The following PRKG1 variants were observed in gnomAD, a reference collection of about 807,000 sequenced individuals.
PRKG1 encodes the protein cGMP-dependent protein kinase 1.
In PRKG1, 35 loss-of-function variants were observed where a neutral mutation model predicts 88.1. That is an observed-to-expected ratio of 0.40 (90% CI 0.30 to 0.53). The LOEUF is 0.53. Among genes scored for constraint, PRKG1 ranks in the 20% least tolerant of loss-of-function variants. The pLI is 0.59. For missense variants in PRKG1, 540 were observed against 839.8 expected, an observed-to-expected ratio of 0.64 and a Z score of 4.41; for synonymous variants, 303 against 292.5, an observed-to-expected ratio of 1.04 and a Z score of -0.37.
chr10:51,084,099 C>A (rs965143669), intron 1 of PRKG1, among the ~76,000 whole-genome samples: 1 of 152,116 alleles, frequency 6.6e-6, no homozygotes, highest in African/African-American at 2.4e-5. Context: ...TATGTTAAAA[C>A]AGAATAGATG....
At chr10:52,138,723 A>G (rs139609076) in intron 8 of PRKG1, among the ~76,000 whole-genome samples, 35 of 152,234 alleles carry the variant, frequency 2.3e-4, no homozygotes, top group African/African-American at 8.2e-4. Context: ...CATAAAAATT[A>G]TGAAATTAGG....
intron 2 of PRKG1, among the ~76,000 whole-genome samples, chr10:51,415,610 T>C (rs539030201): frequency 9.8e-5 from 15 of 152,312 alleles, no homozygotes; most frequent in Non-Finnish European, 1.9e-4. Context: ...AAAAGGATTA[T>C]TGATCACAAT....
intron 2 of PRKG1, among the ~76,000 whole-genome samples, chr10:51,392,773 A>C (rs1588908990): frequency 1.7e-5 from 2 of 118,618 alleles, no homozygotes; most frequent in East Asian, 2.4e-4. Flanking sequence ...GACCACCCCC[A>C]CCTCCCTCCC....
intron 8 of PRKG1, among the ~76,000 whole-genome samples, chr10:52,148,722 G>A (rs1296908559): frequency 1.3e-5 from 2 of 152,104 alleles, no homozygotes; most frequent in Non-Finnish European, 2.9e-5. Context: ...GGAAGAAGGC[G>A]AGCAGGACCC....
At chr10:51,536,102 G>C (rs1198659854) in intron 3 of PRKG1, among the ~76,000 whole-genome samples, 1 of 152,042 alleles carries the variant, frequency 6.6e-6, no homozygotes, top group Non-Finnish European at 1.5e-5. Flanking sequence ...GGTCATAGGG[G>C]GTATGATACT....
chr10:51,735,029 A>G (rs1218167442), intron 3 of PRKG1, among the ~76,000 whole-genome samples: 1 of 152,196 alleles, frequency 6.6e-6, no homozygotes, highest in Non-Finnish European at 1.5e-5. Flanking sequence ...CTGAAGAAGC[A>G]GAGTGAGATA....
At chr10:52,245,239 T>A (rs1222207259) in intron 9 of PRKG1, among the ~76,000 whole-genome samples, 1 of 152,018 alleles carries the variant, frequency 6.6e-6, no homozygotes, top group Admixed American at 6.6e-5. Context: ...CTGTAGATAA[T>A]TATTTACAGA....
Position 51,039,884 on chromosome 10 carries a change from T to C in PRKG1, c.266+48240T>C, listed in dbSNP as rs115798634. Among the ~76,000 whole-genome samples the C allele has an allele frequency of 1.3e-3, 203 of 152,288 alleles. 1 individual carries two copies. Among genetic ancestry groups the C allele is most frequent in the African/African-American group, 4.7e-3 (194 of 41,568 alleles). On this transcript the variant is annotated intron_variant, in intron 1 of 17. Coordinates refer to the PRKG1 transcript ENST00000401604. ...GCATGTGTCGGAAGCGAATTCACTG[T>C]AGATGTATGGATTTGTTTCTTGATT...
intron 2 of PRKG1, among the ~76,000 whole-genome samples, chr10:51,179,718 G>T (rs74133503): frequency 6.6e-6 from 1 of 152,020 alleles, no homozygotes; most frequent in Non-Finnish European, 1.5e-5. Flanking sequence ...TTACCAAAAG[G>T]TGTTCTAGGT....
chr10:51,514,783 A>T (rs1253394114), intron 3 of PRKG1, among the ~76,000 whole-genome samples: 1 of 152,230 alleles, frequency 6.6e-6, no homozygotes, highest in African/African-American at 2.4e-5. Flanking sequence ...GAGTGTTTCC[A>T]GGTTTTCAGT....
At chr10:52,001,430 A>G (rs1237423613) in intron 5 of PRKG1, among the ~76,000 whole-genome samples, 1 of 151,952 alleles carries the variant, frequency 6.6e-6, no homozygotes, top group Non-Finnish European at 1.5e-5. Context: ...ATCATTTTAC[A>G]ATGTATATAC....
chr10:51,010,296 T>G (rs1385599812), intron 1 of PRKG1, among the ~76,000 whole-genome samples: 1 of 152,282 alleles, frequency 6.6e-6, no homozygotes, highest in Admixed American at 6.5e-5. Flanking sequence ...CACTCAGATT[T>G]GCACAGGGCA....
chr10:51,345,835 A>C (rs1445023952), intron 2 of PRKG1, among the ~76,000 whole-genome samples: 1 of 152,198 alleles, frequency 6.6e-6, no homozygotes, highest in Non-Finnish European at 1.5e-5. Flanking sequence ...CGGTGTGACA[A>C]AGGCCATGCT....
At chr10:51,627,986 TTCTTTC>T (rs1191219219) in intron 3 of PRKG1, among the ~76,000 whole-genome samples, 73 of 36,090 alleles carry the variant, frequency 2.0e-3, no homozygotes, top group African/African-American at 6.0e-3. Flanking sequence ...CTTTCTTTCT[TTCTTTC>T]TCTCTCTCTC....
At chr10:51,494,680 G>T (rs760532862) in intron 3 of PRKG1, among the ~76,000 whole-genome samples, 3 of 152,196 alleles carry the variant, frequency 2.0e-5, no homozygotes, top group Non-Finnish European at 2.9e-5. Flanking sequence ...GCATGATTTA[G>T]TTCTAGTCTA....
intron 3 of PRKG1, among the ~76,000 whole-genome samples, chr10:51,661,736 C>A (rs983494456): frequency 6.6e-6 from 1 of 152,134 alleles, no homozygotes; most frequent in African/African-American, 2.4e-5. Flanking sequence ...TGGGTATATA[C>A]CCAAAGGATT....
intron 1 of PRKG1, among the ~76,000 whole-genome samples, chr10:50,997,890 C>T (rs1564566160): frequency 6.6e-6 from 1 of 152,082 alleles, no homozygotes; most frequent in Non-Finnish European, 1.5e-5. Flanking sequence ...TATATATGAA[C>T]ACATACACAC....
At chr10:51,147,808 G>T (rs183645937) in intron 1 of PRKG1, among the ~76,000 whole-genome samples, 1 of 152,262 alleles carries the variant, frequency 6.6e-6, no homozygotes, top group East Asian at 1.9e-4. Flanking sequence ...TCATAAGATT[G>T]GGATAGCTAT....
At chr10:51,940,502 A>G (rs1417312743) in intron 5 of PRKG1, among the ~76,000 whole-genome samples, 1 of 151,898 alleles carries the variant, frequency 6.6e-6, no homozygotes, top group Non-Finnish European at 1.5e-5. Flanking sequence ...CCACTGGTAC[A>G]AGTTTGGATA....
Sources: gnomAD v4.1 joint callset for allele counts (sites outside exome capture counted in the v4.1 genomes callset) on GRCh38, gnomAD v4.1.1 for gene constraint, MANE v1.5 for transcripts, NCBI Gene and HGNC (gene_info 2026-07-23, HGNC 2026-07-21) for gene names.